CNTN5: variants seen among roughly 807,000 people sequenced by gnomAD.
CNTN5 encodes the protein contactin 5, also known as contactin-5.
In CNTN5, 77 loss-of-function variants were observed where a neutral mutation model predicts 129.1. The observed-to-expected ratio is 0.60, with a 90% CI of 0.50 to 0.72. CNTN5 has a LOEUF of 0.72. Ranked by LOEUF, CNTN5 falls within the 30% of genes least tolerant of loss-of-function variation. The pLI, the probability that CNTN5 is intolerant of heterozygous loss-of-function variation, is 0.00. For synonymous variants in CNTN5, 509 were observed against 465.6 expected, an observed-to-expected ratio of 1.09 and a Z score of -1.20; for missense variants, 1,478 against 1,328.8, an observed-to-expected ratio of 1.11 and a Z score of -1.75.
intron 1 of CNTN5, among the ~76,000 whole-genome samples, chr11:99,276,407 C>A (rs1863434242): frequency 6.6e-6 from 1 of 151,522 alleles, no homozygotes; most frequent in Non-Finnish European, 1.5e-5. Flanking sequence ...TAAAACTACA[C>A]CTCACTAATT....
chr11:99,506,403 A>G (rs1946621149), intron 2 of CNTN5, among the ~76,000 whole-genome samples: 1 of 152,148 alleles, frequency 6.6e-6, no homozygotes, highest in Non-Finnish European at 1.5e-5. Context: ...TCTTATACAA[A>G]TATCTTTTCT....
intron 1 of CNTN5, among the ~76,000 whole-genome samples, chr11:99,177,827 A>C (rs1336358437): frequency 6.6e-6 from 1 of 152,226 alleles, no homozygotes; most frequent in African/African-American, 2.4e-5. Flanking sequence ...CAAATAAAGA[A>C]AATGAATTCA....
intron 7 of CNTN5, among the ~76,000 whole-genome samples, chr11:99,935,325 A>T (rs375863255): frequency 6.6e-6 from 1 of 151,996 alleles, no homozygotes; most frequent in South Asian, 2.1e-4. Context: ...ATAGAAGATA[A>T]GTTAGTTTAT....
intron 8 of CNTN5, among the ~76,000 whole-genome samples, chr11:99,969,444 T>G (rs1015083636): frequency 6.6e-6 from 1 of 152,144 alleles, no homozygotes; most frequent in Non-Finnish European, 1.5e-5. Flanking sequence ...CACTTACGTT[T>G]ATCTAACTTT....
intron 1 of CNTN5, among the ~76,000 whole-genome samples, chr11:99,247,083 A>G (rs1202663177): frequency 6.6e-6 from 1 of 152,132 alleles, no homozygotes; most frequent in Non-Finnish European, 1.5e-5. Context: ...ATCTATGTAG[A>G]ATTTTCTGTG....
At chr11:99,379,119 T>G (rs1278340526) in intron 2 of CNTN5, among the ~76,000 whole-genome samples, 1 of 151,498 alleles carries the variant, frequency 6.6e-6, no homozygotes, top group Non-Finnish European at 1.5e-5. Flanking sequence ...TCTTTATTAT[T>G]TGCCTCTGCT....
intron 6 of CNTN5, among the ~76,000 whole-genome samples, chr11:99,912,373 A>C (rs147190534): frequency 1.8e-3 from 273 of 152,096 alleles, no homozygotes; most frequent in Admixed American, 2.9e-3. Context: ...TTATATACCT[A>C]TTTGGTGACC....
At chr11:100,235,869 G>C (rs554138593) in intron 16 of CNTN5, among the ~76,000 whole-genome samples, 1 of 152,008 alleles carries the variant, frequency 6.6e-6, no homozygotes, top group Non-Finnish European at 1.5e-5. Context: ...TGAGGGTTCC[G>C]TCACAATCCA....
At chr11:100,078,805 A>G (rs368876261) in intron 13 of CNTN5, among the ~76,000 whole-genome samples, 293 of 152,188 alleles carry the variant, frequency 1.9e-3, no homozygotes, top group African/African-American at 6.8e-3. Context: ...GACGATGATG[A>G]TGGTGGTGGT....
At chr11:99,778,311 G>C (rs1381504608) in intron 3 of CNTN5, among the ~76,000 whole-genome samples, 1 of 151,658 alleles carries the variant, frequency 6.6e-6, no homozygotes, top group Non-Finnish European at 1.5e-5. Flanking sequence ...GATCAATATT[G>C]AGCAATGATT....
At chr11:99,585,949 C>T (rs1949779249) in intron 3 of CNTN5, among the ~76,000 whole-genome samples, 2 of 151,940 alleles carry the variant, frequency 1.3e-5, no homozygotes, top group Non-Finnish European at 2.9e-5. Context: ...ATTGTTCTTT[C>T]TTTCCTTCCT....
chr11:100,126,511 A>G (rs1358838496), intron 13 of CNTN5, among the ~76,000 whole-genome samples: 1 of 148,698 alleles, frequency 6.7e-6, no homozygotes, highest in African/African-American at 2.4e-5. Context: ...GTTGAATTGA[A>G]TCCTTTAACA....
intron 13 of CNTN5, among the ~76,000 whole-genome samples, chr11:100,078,530 T>A (rs1427791416): frequency 2.0e-5 from 3 of 152,118 alleles, no homozygotes; most frequent in African/African-American, 7.2e-5. Context: ...GCTTATGAGT[T>A]CGTAGCGTTT....
chr11:99,355,913 G>A lies in CNTN5; in HGVS notation c.-71+30429G>A, dbSNP rs182003212. ...GCTATCTCGGCTCACTGCAAGCTCC[G>A]CCACTTGGGTTCATGCCATTCTTCT... is the stretch of plus-strand genomic sequence containing the variant. On this transcript the variant is annotated intron_variant, in intron 2 of 24. Coordinates refer to ENST00000524871, the MANE Select transcript of CNTN5 (RefSeq NM_014361.4). 7.4e-5 allele frequency among the ~76,000 whole-genome samples: 11 copies of A among 148,734 alleles called. No homozygotes were observed. In the East Asian group the frequency reaches 1.0e-3, roughly 14 times the overall value.
intron 1 of CNTN5, among the ~76,000 whole-genome samples, chr11:99,047,143 TTAACC>T (rs554081894): frequency 1.3e-5 from 2 of 151,984 alleles, no homozygotes; most frequent in Non-Finnish European, 2.9e-5. Flanking sequence ...TTTTAAGTGA[TTAACC>T]AAAACAAGAA....
chr11:99,473,833 A>G (rs1182183314), intron 2 of CNTN5, among the ~76,000 whole-genome samples: 1 of 152,046 alleles, frequency 6.6e-6, no homozygotes, highest in African/African-American at 2.4e-5. Context: ...AAACTGCTAA[A>G]GTAAACATTT....
chr11:99,846,127 T>TAG (rs1030618102), intron 6 of CNTN5, among the ~76,000 whole-genome samples: 2 of 55,324 alleles, frequency 3.6e-5, no homozygotes, highest in African/African-American at 1.6e-4. Flanking sequence ...TATACGGACA[T>TAG]AGACACACAC....
intron 3 of CNTN5, among the ~76,000 whole-genome samples, chr11:99,784,659 G>A (rs554316141): frequency 2.8e-4 from 42 of 152,060 alleles, no homozygotes; most frequent in Admixed American, 8.5e-4. Context: ...ACTGTCTTCC[G>A]CAACGGTTGA....
chr11:99,316,381 T>C (rs923539725), intron 1 of CNTN5, among the ~76,000 whole-genome samples: 1 of 152,172 alleles, frequency 6.6e-6, no homozygotes, highest in African/African-American at 2.4e-5. Context: ...GAAATGGGTA[T>C]AATAAAATTG....
Sources: allele counts gnomAD v4.1 joint callset (sites outside exome capture counted in the v4.1 genomes callset), GRCh38; gene constraint gnomAD v4.1.1; transcripts MANE v1.5; gene names NCBI Gene and HGNC (gene_info 2026-07-23, HGNC 2026-07-21).